The following DPYD variants were observed in gnomAD, a reference collection of about 807,000 sequenced individuals.
The protein encoded by DPYD is dihydropyrimidine dehydrogenase [NADP(+)].
DPYD carries 109 observed loss-of-function variants against 116.2 expected under a neutral mutation model. That is an observed-to-expected ratio of 0.94 (90% CI 0.80 to 1.10). The LOEUF is 1.10. Among genes scored for constraint, DPYD ranks in the 50% least tolerant of loss-of-function variants. DPYD has a pLI of 0.00. For synonymous variants in DPYD, 440 were observed against 432.0 expected (o/e 1.02, Z -0.23); for missense variants, 1,302 against 1,254.5 (o/e 1.04, Z -0.57).
intron 20 of DPYD, among the ~76,000 whole-genome samples, chr1:97,115,836 A>G (rs146147139): frequency 2.0e-5 from 3 of 152,314 alleles, no homozygotes; most frequent in Admixed American, 6.5e-5. Context: ...TGGAAATATG[A>G]TAAGTAGACC....
intron 5 of DPYD, among the ~76,000 whole-genome samples, chr1:97,707,658 C>T (rs921887780): frequency 1.4e-4 from 21 of 151,998 alleles, no homozygotes; most frequent in Admixed American, 2.6e-4. Context: ...ATAAGCCATC[C>T]AGTTTATGGT....
chr1:97,796,652 A>C (rs2101304251), intron 3 of DPYD, among the ~76,000 whole-genome samples: 1 of 152,256 alleles, frequency 6.6e-6, no homozygotes, highest in South Asian at 2.1e-4. Context: ...AGGAAAGGGA[A>C]AGACAAAGAA....
intron 18 of DPYD, among the ~76,000 whole-genome samples, chr1:97,304,547 C>G (rs569924730): frequency 3.3e-5 from 5 of 152,060 alleles, no homozygotes; most frequent in Admixed American, 3.3e-4. Context: ...TTTTCTTGAA[C>G]AGTGGGGCAC....
chr1:97,539,257 A>AAT (rs1553191821), intron 12 of DPYD, among the ~76,000 whole-genome samples: 6 of 151,792 alleles, frequency 4.0e-5, no homozygotes, highest in African/African-American at 1.5e-4. Flanking sequence ...ATGTACTCAA[A>AAT]TTTTTTTTAA....
chr1:97,243,243 A>T (rs74775655), intron 18 of DPYD, among the ~76,000 whole-genome samples: 1,778 of 152,090 alleles, frequency 0.012, 26 homozygotes, highest in Non-Finnish European at 0.014. Flanking sequence ...GTTTTCCAAC[A>T]GATACCAGTG....
At position 97,078,997 on chromosome 1, in the gene DPYD, T is replaced by C; in HGVS notation, c.3057A>G (p.Leu1019=). 2 of 1,613,674 alleles carry C rather than the reference T, an allele frequency of 1.2e-6. No individual in the cohort carries two copies. Among genetic ancestry groups the C allele is most frequent in the Non-Finnish European group, 1.7e-6 (2 of 1,179,660 alleles). The change falls in exon 23 of 23, where the codon TTA becomes TTG. Residue 1019 remains leucine, a synonymous_variant. Coordinates refer to ENST00000370192, the MANE Select transcript of DPYD (RefSeq NM_000110.4). The stretch of plus-strand genomic sequence containing the variant: ...CACCTTAACACACCGGATTCACAGA[T>C]AAGGGTACGCCTCTCTTTGGTTCAT... The part of the protein sequence containing the change: ...TPYEPKRGVP[L]SVNPVC
intron 2 of DPYD, among the ~76,000 whole-genome samples, chr1:97,845,143 G>A (rs1448289495): frequency 1.3e-5 from 2 of 152,196 alleles, no homozygotes; most frequent in East Asian, 3.9e-4. Flanking sequence ...CCTCAAGCAT[G>A]GAAAGGGGCG....
intron 3 of DPYD, among the ~76,000 whole-genome samples, chr1:97,770,198 T>C (rs972121024): frequency 6.6e-6 from 1 of 152,228 alleles, no homozygotes; most frequent in African/African-American, 2.4e-5. Context: ...TAAAGATTAT[T>C]ATCAGTATGA....
chr1:97,348,579 A>T (rs1348453160), intron 16 of DPYD, among the ~76,000 whole-genome samples: 2 of 152,148 alleles, frequency 1.3e-5, no homozygotes, highest in Non-Finnish European at 2.9e-5. Flanking sequence ...CTTTTTCCTG[A>T]ATTTTGAGGA....
chr1:97,841,300 C>A (rs926657925), intron 2 of DPYD, among the ~76,000 whole-genome samples: 4 of 151,868 alleles, frequency 2.6e-5, no homozygotes, highest in Admixed American at 2.6e-4. Flanking sequence ...TGAACTGATC[C>A]TTTTATGAGA....
chr1:97,693,160 G>A (rs962735983), intron 6 of DPYD, among the ~76,000 whole-genome samples: 1 of 151,480 alleles, frequency 6.6e-6, no homozygotes, highest in South Asian at 2.1e-4. Context: ...GCATAGTGGC[G>A]GGCACCTGTA....
chr1:97,353,179 C>T (rs1483361717), intron 16 of DPYD, among the ~76,000 whole-genome samples: 1 of 152,164 alleles, frequency 6.6e-6, no homozygotes, highest in African/African-American at 2.4e-5. Context: ...TCCTCCAGTG[C>T]ATTGTGTCAC....
intron 8 of DPYD, among the ~76,000 whole-genome samples, chr1:97,675,255 T>C (rs1354371761): frequency 6.6e-6 from 1 of 152,204 alleles, no homozygotes; most frequent in African/African-American, 2.4e-5. Context: ...GTATAGTAGA[T>C]GTTCCAATTC....
At chr1:97,357,110 T>C (rs533668204) in intron 16 of DPYD, among the ~76,000 whole-genome samples, 2 of 151,638 alleles carry the variant, frequency 1.3e-5, no homozygotes, top group South Asian at 2.1e-4. Flanking sequence ...CTTTGGGAGA[T>C]AATATGAACA....
chr1:97,918,326 A>C (rs2101722297), intron 1 of DPYD, among the ~76,000 whole-genome samples: 1 of 152,310 alleles, frequency 6.6e-6, no homozygotes, highest in African/African-American at 2.4e-5. Flanking sequence ...CACACAGCTT[A>C]AAGTTAGACC....
chr1:97,668,611 T>A (rs1195398172), intron 8 of DPYD, among the ~76,000 whole-genome samples: 1 of 152,054 alleles, frequency 6.6e-6, no homozygotes, highest in African/African-American at 2.4e-5. Context: ...ATCAACCAAC[T>A]TTAAAATGTG....
At chr1:97,081,562 A>G (rs925222425) in intron 22 of DPYD, among the ~76,000 whole-genome samples, 1 of 152,060 alleles carries the variant, frequency 6.6e-6, no homozygotes, top group Non-Finnish European at 1.5e-5. Context: ...CAAACTCTTT[A>G]AAAAATAGCA....
intron 5 of DPYD, among the ~76,000 whole-genome samples, chr1:97,700,487 G>A (rs1316229668): frequency 1.3e-5 from 2 of 152,004 alleles, no homozygotes; most frequent in Non-Finnish European, 2.9e-5. Context: ...CACTCTACAA[G>A]TAGGGCAAAT....
intron 20 of DPYD, among the ~76,000 whole-genome samples, chr1:97,119,606 G>A (rs1162846085): frequency 6.6e-6 from 1 of 152,124 alleles, no homozygotes; most frequent in Admixed American, 6.6e-5. Context: ...CAACTGCTGT[G>A]AGGATCCAGT....
Sources: gnomAD v4.1 joint callset for allele counts (sites outside exome capture counted in the v4.1 genomes callset) on GRCh38, gnomAD v4.1.1 for gene constraint, MANE v1.5 for transcripts, NCBI Gene and HGNC (gene_info 2026-07-23, HGNC 2026-07-21) for gene names.